The following TXNDC11 variants were observed in gnomAD, a reference collection of about 807,000 sequenced individuals.
The protein encoded by TXNDC11 is thioredoxin domain-containing protein 11.
TXNDC11 carries 68 observed loss-of-function variants against 78.0 expected under a neutral mutation model. The observed-to-expected ratio is 0.87, with a 90% CI of 0.72 to 1.07. The LOEUF is 1.07. TXNDC11 is among the 50% of genes least tolerant of loss of function. TXNDC11 has a pLI of 0.00. For synonymous variants in TXNDC11, 571 were observed against 495.2 expected (o/e 1.15, Z -2.03); for missense variants, 1,389 against 1,221.8 (o/e 1.14, Z -2.04).
At chr16:11,687,214 G>A (rs977915540) in intron 10 of TXNDC11, among the ~76,000 whole-genome samples, 3 of 151,972 alleles carry the variant, frequency 2.0e-5, no homozygotes, top group Admixed American at 1.3e-4. Context: ...AGAGGAATCA[G>A]CAAATCCTAT....
chr16:11,726,148 G>A (rs747230187), intron 4 of TXNDC11, among the ~76,000 whole-genome samples: 63 of 152,060 alleles, frequency 4.1e-4, no homozygotes, highest in Non-Finnish European at 8.1e-4. Context: ...CAAGTGCTGG[G>A]GTTGCAGGCA....
intron 5 of TXNDC11, among the ~76,000 whole-genome samples, chr16:11,718,185 C>A (rs181397823): frequency 6.6e-6 from 1 of 152,054 alleles, no homozygotes; most frequent in African/African-American, 2.4e-5. Context: ...ATGGTACTCT[C>A]GCAAATTATT....
chr16:11,732,158 A>G (rs1224438525), intron 3 of TXNDC11, among the ~76,000 whole-genome samples: 1 of 152,200 alleles, frequency 6.6e-6, no homozygotes, highest in Non-Finnish European at 1.5e-5. Context: ...GGTTGGACAC[A>G]TTTCTAAAGT....
At chr16:11,704,385 G>A (rs923852694) in intron 5 of TXNDC11, among the ~76,000 whole-genome samples, 3 of 152,192 alleles carry the variant, frequency 2.0e-5, no homozygotes, top group African/African-American at 7.2e-5. Context: ...ATCCACTGAT[G>A]GAGGCTAAAA....
intron 5 of TXNDC11, among the ~76,000 whole-genome samples, chr16:11,714,314 G>T (rs2051459010): frequency 6.6e-6 from 1 of 152,132 alleles, no homozygotes; most frequent in East Asian, 1.9e-4. Flanking sequence ...GTGAGCCACC[G>T]TGCCCCGCCA....
rs146552672 is a variant in TXNDC11 at position 11,679,353 on chromosome 16, C to T, written c.2719G>A (p.Gly907Ser). Residue 907 changes from glycine to serine, a missense_variant, in exon 12 of 12, where the codon GGC becomes AGC. Transcript: ENST00000283033. This position sits in a 1 kb window ranked among gnomAD's most constrained non-coding sequence, Gnocchi z 4.6. ...GCCAGGCTTTCAGCTCCATCCCTGC[C>T]CTCCAGTTTCCTCTCCATGGTCGCC... ...LVATMERKLE[G>S]RDGAESLAAQ... 7 of 1,611,706 alleles carry T rather than the reference C, an allele frequency of 4.3e-6. No individual in the cohort carries two copies. The highest frequency in any genetic ancestry group is 5.9e-6 in the Non-Finnish European group (7 of 1,179,094).
chr16:11,705,748 G>A (rs1027343473), intron 5 of TXNDC11, among the ~76,000 whole-genome samples: 2 of 152,058 alleles, frequency 1.3e-5, no homozygotes, highest in Non-Finnish European at 2.9e-5. Flanking sequence ...CAAAAAACAC[G>A]CTTCTATTTA....
chr16:11,737,551 C>T (rs1338668665), intron 1 of TXNDC11, among the ~76,000 whole-genome samples: 1 of 151,518 alleles, frequency 6.6e-6, no homozygotes, highest in African/African-American at 2.4e-5. Context: ...AACCCAACTA[C>T]CTCAACAATT....
chr16:11,682,132 A>G (rs146505331), intron 11 of TXNDC11, among the ~76,000 whole-genome samples: 4 of 152,384 alleles, frequency 2.6e-5, no homozygotes, highest in Non-Finnish European at 5.9e-5. Flanking sequence ...AGGTCTTACT[A>G]CATGTTATCC....
At chr16:11,723,535 A>G (rs1263002637) in intron 4 of TXNDC11, among the ~76,000 whole-genome samples, 1 of 152,170 alleles carries the variant, frequency 6.6e-6, no homozygotes, top group Admixed American at 6.5e-5. Context: ...CAGTGAGCCA[A>G]GATCGTGCCA....
intron 4 of TXNDC11, among the ~76,000 whole-genome samples, chr16:11,727,433 G>A (rs1176511061): frequency 6.6e-6 from 1 of 152,058 alleles, no homozygotes; most frequent in Admixed American, 6.5e-5. Flanking sequence ...ACTTGATACT[G>A]AAATCCATAT....
chr16:11,728,410 G>C (rs1454014270), intron 4 of TXNDC11, among the ~76,000 whole-genome samples: 2 of 152,124 alleles, frequency 1.3e-5, no homozygotes, highest in Admixed American at 1.3e-4. Context: ...CCCGATAAAA[G>C]CCACAGCTTT....
At chr16:11,698,382 A>C in intron 6 of TXNDC11, 57 bp from the exon 7 acceptor site, 136 of 1,507,444 alleles carry the variant, frequency 9.0e-5, no homozygotes, top group Non-Finnish European at 1.1e-4. Context: ...GGGCAAGCTC[A>C]AGGCACATCA....
At chr16:11,719,446 CCCT>C (rs2141083164) in intron 5 of TXNDC11, among the ~76,000 whole-genome samples, 1 of 152,328 alleles carries the variant, frequency 6.6e-6, no homozygotes, top group South Asian at 2.1e-4. Flanking sequence ...GCTTTTCTCC[CCCT>C]ATGTCTCCCA....
intron 2 of TXNDC11, 79 bp downstream of exon 2, chr16:11,735,937 CA>C: frequency 7.1e-7 from 1 of 1,415,784 alleles, no homozygotes; most frequent in East Asian, 2.3e-5. Context: ...GCCCGTTGGG[CA>C]AGGTGTCTCT....
rs1188825826 is a variant in TXNDC11, at chr16:11,742,664, C to T, written c.67G>A (p.Gly23Ser). 1.4e-6 allele frequency: 2 copies of T among 1,468,498 alleles called. No homozygotes were observed. The highest frequency in any genetic ancestry group is 3.0e-5 in the East Asian group (1 of 33,850). The allele number at this position is 1,468,498 out of a possible 1,614,324, so 91.0% of individuals were successfully genotyped here. ...SSEDAEDEGG[G>S]GGGPAGSDCL... is the part of the protein sequence containing the mutation. ...TCTGAGCCCGCGGGGCCGCCGCCGC[C>T]CCCTCCCTCGTCCTCGGCGTCCTCG... The change falls in exon 1 of 12, where the codon GGC becomes AGC. Residue 23 changes from glycine to serine, a missense_variant. Coordinates refer to ENST00000283033, the MANE Select transcript of TXNDC11 (RefSeq NM_015914.7).
chr16:11,717,676 C>T (rs1023821876), intron 5 of TXNDC11, among the ~76,000 whole-genome samples: 2 of 149,866 alleles, frequency 1.3e-5, no homozygotes, highest in African/African-American at 5.0e-5. Flanking sequence ...AAAAAATAAG[C>T]TGGGCGTGGT....
Position 11,691,352 on chromosome 16 carries a change from T to C in TXNDC11, c.1838A>G (p.Asp613Gly). ...GATGTAATGAGATTCTTCTTTCACG[T>C]CAACAATTGCCGCAAATTCTTTCAC... ...TQVKEFAAIVDVKEESHYILD... is the reference protein window; with the variant it reads ...TQVKEFAAIVGVKEESHYILD... Residue 613 changes from aspartate (D) to glycine (G), a missense_variant, in exon 8 of 12, where the codon GAC becomes GGC. Asp to Gly is a moderately conservative substitution (Grantham distance 94, BLOSUM62 -1). Transcript: ENST00000283033. 5 of 1,614,248 alleles carry C rather than the reference T, an allele frequency of 3.1e-6. No individual in the cohort carries two copies. Among genetic ancestry groups the C allele is most frequent in the Non-Finnish European group, 2.5e-6 (3 of 1,180,042 alleles).
intron 4 of TXNDC11, among the ~76,000 whole-genome samples, chr16:11,724,867 TCCCGAGTAGCTGGGATTACAGGCG>T: frequency 6.6e-6 from 1 of 152,278 alleles, no homozygotes; most frequent in South Asian, 2.1e-4. Flanking sequence ...TGCCTCAGCC[TCCCGAGTAGCTGGGATTACAGGCG>T]CCCGCCACCA....
Sources: allele counts gnomAD v4.1 joint callset (sites outside exome capture counted in the v4.1 genomes callset), GRCh38; gene constraint gnomAD v4.1.1; non-coding constraint Gnocchi (gnomAD v3.1); transcripts MANE v1.5; gene names NCBI Gene and HGNC (gene_info 2026-07-23, HGNC 2026-07-21).